Variants in ZMYND8 observed in about 807,000 individuals in gnomAD.
The protein encoded by ZMYND8 is zinc finger MYND-type containing 8.
A neutral mutation model predicts 140.8 loss-of-function variants in ZMYND8; 37 were observed. The observed-to-expected ratio is 0.26, with a 90% CI of 0.20 to 0.35. The LOEUF (loss-of-function observed/expected upper bound fraction) is 0.35, where lower values mean the gene tolerates loss of function less well. Ranked by LOEUF, ZMYND8 falls within the 10% of genes least tolerant of loss-of-function variation. The pLI is 1.00. For synonymous variants in ZMYND8, 592 were observed against 597.1 expected, an observed-to-expected ratio of 0.99 and a Z score of 0.12; for missense variants, 1,068 against 1,570.0, an observed-to-expected ratio of 0.68 and a Z score of 5.40.
chr20:47,259,558 C>T (rs1287064559), intron 12 of ZMYND8, among the ~76,000 whole-genome samples: 1 of 152,154 alleles, frequency 6.6e-6, no homozygotes, highest in Middle Eastern at 3.2e-3. Context: ...ACTTAAGCGT[C>T]ACTGGGCACA....
chr20:47,306,110 C>G (rs2078458857), intron 3 of ZMYND8, among the ~76,000 whole-genome samples: 1 of 152,094 alleles, frequency 6.6e-6, no homozygotes, highest in African/African-American at 2.4e-5. Context: ...ACTTTTGGCT[C>G]GGCGCAGTGG....
chr20:47,274,200 G>A (rs1011900557), intron 11 of ZMYND8, among the ~76,000 whole-genome samples: 1 of 152,166 alleles, frequency 6.6e-6, no homozygotes, highest in African/African-American at 2.4e-5. Context: ...TTTTTGAAAT[G>A]TGGTGCAGGA....
intron 2 of ZMYND8, among the ~76,000 whole-genome samples, chr20:47,326,629 C>T (rs1482645979): frequency 6.6e-6 from 1 of 152,138 alleles, no homozygotes; most frequent in East Asian, 1.9e-4. Flanking sequence ...CTCAGTCTCC[C>T]TCTGGGTTCT....
intron 8 of ZMYND8, among the ~76,000 whole-genome samples, chr20:47,285,121 T>C (rs1474406032): frequency 2.6e-5 from 4 of 152,174 alleles, no homozygotes; most frequent in Non-Finnish European, 4.4e-5. Context: ...AAAAGTTTAG[T>C]AACCTGCCCA....
chr20:47,323,996 C>G (rs1029040404), intron 2 of ZMYND8, among the ~76,000 whole-genome samples: 2 of 151,002 alleles, frequency 1.3e-5, no homozygotes, highest in African/African-American at 4.9e-5. Context: ...GTCAAGAGAT[C>G]GAGACCATCC....
intron 2 of ZMYND8, among the ~76,000 whole-genome samples, chr20:47,312,865 C>T (rs2079048042): frequency 6.6e-6 from 1 of 152,126 alleles, no homozygotes; most frequent in African/African-American, 2.4e-5. Flanking sequence ...CCCCTCCCTC[C>T]CACATGGGTC....
At chr20:47,215,634 C>T (rs2035982152) in intron 21 of ZMYND8, among the ~76,000 whole-genome samples, 2 of 152,030 alleles carry the variant, frequency 1.3e-5, no homozygotes, top group East Asian at 1.9e-4. Context: ...TCAGCCTCTC[C>T]AAGTAGCTGG....
chr20:47,288,542 C>T (rs557349897), intron 7 of ZMYND8, among the ~76,000 whole-genome samples: 1 of 152,014 alleles, frequency 6.6e-6, no homozygotes, highest in East Asian at 1.9e-4. Context: ...TACAGGCATG[C>T]GCCACCACAC....
intron 2 of ZMYND8, among the ~76,000 whole-genome samples, chr20:47,313,628 A>G (rs1337024438): frequency 2.6e-5 from 4 of 151,330 alleles, no homozygotes; most frequent in African/African-American, 9.7e-5. Context: ...CCATCTCAAA[A>G]AAATAATAAT....
intron 2 of ZMYND8, among the ~76,000 whole-genome samples, chr20:47,343,810 T>C (rs1019608090): frequency 2.6e-5 from 4 of 151,958 alleles, no homozygotes; most frequent in Admixed American, 6.6e-5. Context: ...AAATAATTTA[T>C]GTCAAGCCTC....
rs1463257135 is a variant in ZMYND8 at position 47,210,566 on chromosome 20, GA to G, written c.*194del. ...CCAAAAGCACAGGGCTCGTGTGGGT[GA>G]ACAGTCTGCAGTCAAAGCCGATGCT... On this transcript the variant is annotated 3_prime_UTR_variant, in exon 23 of 23. Coordinates refer to ENST00000471951, the MANE Select transcript of ZMYND8 (RefSeq NM_001281775.3). 1.8e-5 allele frequency: 13 copies of G among 716,924 alleles called. No homozygotes were observed. The highest frequency in any genetic ancestry group is 3.6e-4 in the Middle Eastern group (1 of 2,810). The allele number at this position is 716,924 out of a possible 1,614,324, so 44.4% of individuals were successfully genotyped here.
rs3092175 is a variant in ZMYND8, at chr20:47,219,055, A to ATTTTTTTTTTTTT, written c.3484+1190_3484+1202dup. Among the ~76,000 whole-genome samples the ATTTTTTTTTTTTT allele has an allele frequency of 6.1e-3, 672 of 110,814 alleles. 27 individuals carry two copies. The highest frequency in any genetic ancestry group is 9.6e-3 in the Non-Finnish European group (520 of 54,188). 72.7% of individuals were successfully genotyped at this position (110,814 alleles called of 152,430 possible). ...AACATGGCAAAACCCCGTTTCTACAATTTTTTTTTTTTTTTTTTTTGAGAG... is the reference window on the plus strand; with the variant it reads ...AACATGGCAAAACCCCGTTTCTACAATTTTTTTTTTTTTTTTTTTTTTTTTTTTTTTTTGAGAG... On this transcript the variant is annotated intron_variant, in intron 21 of 22. Coordinates refer to ENST00000471951, the MANE Select transcript of ZMYND8 (RefSeq NM_001281775.3).
chr20:47,264,659 T>G (rs891757722), intron 11 of ZMYND8, among the ~76,000 whole-genome samples: 1 of 141,620 alleles, frequency 7.1e-6, no homozygotes, highest in Non-Finnish European at 1.6e-5. Flanking sequence ...GCCACATTCC[T>G]TCACTGGGGG....
intron 21 of ZMYND8, among the ~76,000 whole-genome samples, chr20:47,216,565 G>C (rs970738914): frequency 6.8e-6 from 1 of 147,848 alleles, no homozygotes; most frequent in African/African-American, 2.5e-5. Flanking sequence ...CCAGCACTTT[G>C]GGAGGCCAAG....
intron 17 of ZMYND8, among the ~76,000 whole-genome samples, chr20:47,228,796 A>G (rs182763970): frequency 1.3e-5 from 2 of 152,142 alleles, no homozygotes; most frequent in Non-Finnish European, 2.9e-5. Flanking sequence ...CAGCTCCCCA[A>G]CGTCACCTTA....
intron 1 of ZMYND8, chr20:47,349,744 ACTT>A (rs2082618229): frequency 1.2e-5 from 17 of 1,391,228 alleles, no homozygotes; most frequent in Middle Eastern, 1.8e-4. Context: ...GAAATTCTAA[ACTT>A]CTTGAAACCG....
chr20:47,343,868 G>A (rs1468525854), intron 2 of ZMYND8, among the ~76,000 whole-genome samples: 2 of 151,740 alleles, frequency 1.3e-5, no homozygotes, highest in African/African-American at 4.8e-5. Flanking sequence ...AAGTGTGGGT[G>A]ATGCCTTGTG....
At chr20:47,240,584 TCA>T (rs1424394945) in intron 14 of ZMYND8, among the ~76,000 whole-genome samples, 4 of 151,928 alleles carry the variant, frequency 2.6e-5, no homozygotes, top group Non-Finnish European at 2.9e-5. Flanking sequence ...AGATGGATTC[TCA>T]CTCTGTCACC....
At chr20:47,259,347 C>T (rs2074989210) in intron 12 of ZMYND8, among the ~76,000 whole-genome samples, 1 of 152,148 alleles carries the variant, frequency 6.6e-6, no homozygotes, top group Non-Finnish European at 1.5e-5. Flanking sequence ...AAAGCAACTG[C>T]CCTGACCATC....
Sources: gnomAD v4.1 joint callset for allele counts (sites outside exome capture counted in the v4.1 genomes callset) on GRCh38, gnomAD v4.1.1 for gene constraint, MANE v1.5 for transcripts, NCBI Gene and HGNC (gene_info 2026-07-23, HGNC 2026-07-21) for gene names.